BMPER: variants seen among roughly 807,000 people sequenced by gnomAD.
The protein encoded by BMPER is BMP binding endothelial regulator, also known as BMP-binding endothelial regulator protein.
Under a neutral mutation model 87.3 loss-of-function variants are expected in BMPER, and 45 were observed. The ratio of observed to expected loss-of-function variants is 0.52; its 90% CI spans 0.41 to 0.66. The LOEUF (loss-of-function observed/expected upper bound fraction) is 0.66, where lower values mean the gene tolerates loss of function less well. Ranked by LOEUF, BMPER falls within the 30% of genes least tolerant of loss-of-function variation. The probability of loss-of-function intolerance (pLI) is 0.00; values close to 1 mark genes in which losing one functional copy is unlikely to be tolerated. For synonymous variants in BMPER, 326 were observed against 316.2 expected, an observed-to-expected ratio of 1.03 and a Z score of -0.33; for missense variants, 784 against 867.5, an observed-to-expected ratio of 0.90 and a Z score of 1.21.
At chr7:34,068,518 G>A (rs570945780) in intron 11 of BMPER, among the ~76,000 whole-genome samples, 4 of 152,278 alleles carry the variant, frequency 2.6e-5, no homozygotes, top group South Asian at 2.1e-4. Context: ...TGGCATCTCC[G>A]TCTTTCTGCT....
intron 11 of BMPER, 134 bp downstream of exon 11, chr7:34,062,181 C>T (rs1788455260): frequency 5.3e-6 from 4 of 756,438 alleles, no homozygotes; most frequent in Non-Finnish European, 8.8e-6. Context: ...ATCTCACCTC[C>T]CTACAGTCAC....
chr7:34,008,390 T>G (rs2127939414), intron 6 of BMPER, among the ~76,000 whole-genome samples: 1 of 152,128 alleles, frequency 6.6e-6, no homozygotes, highest in South Asian at 2.1e-4. Flanking sequence ...TTCATCCACT[T>G]TTCTTTAACA....
At chr7:34,123,844 T>TTGTACTTAAAGGATGTA (rs1790327954) in intron 13 of BMPER, among the ~76,000 whole-genome samples, 1 of 152,202 alleles carries the variant, frequency 6.6e-6, no homozygotes, top group African/African-American at 2.4e-5. Context: ...AGATTTTTGT[T>TTGTACTTAAAGGATGTA]TGTACTTAAA....
chr7:34,112,048 A>G lies in BMPER; in HGVS notation c.1745+25956A>G, dbSNP rs915727203. ...ATGTACATGTCCATTGTTTTCTAGC[A>G]TTTATAGAAACTTTCGTATAAGTTT... On this transcript the variant is annotated intron_variant, in intron 13 of 14. Transcript: ENST00000649409. Among the ~76,000 whole-genome samples the G allele has an allele frequency of 2.6e-5, 4 of 152,318 alleles. No homozygotes were observed. In the East Asian group the frequency reaches 7.7e-4, roughly 29 times the overall value.
intron 14 of BMPER, among the ~76,000 whole-genome samples, 174 bp from the exon 15 acceptor site, chr7:34,152,918 C>T (rs747222871): frequency 9.4e-4 from 143 of 152,128 alleles, no homozygotes; most frequent in Non-Finnish European, 1.8e-3. Context: ...AGCTGATTCC[C>T]AGAGTGTTTG....
At chr7:34,007,238 G>A (rs969211173) in intron 6 of BMPER, among the ~76,000 whole-genome samples, 70 of 152,206 alleles carry the variant, frequency 4.6e-4, no homozygotes, top group African/African-American at 1.5e-3. Context: ...AGGGGATTGC[G>A]ATAGGCAATG....
chr7:33,913,307 C>T (rs1476115412), intron 2 of BMPER, among the ~76,000 whole-genome samples: 3 of 152,162 alleles, frequency 2.0e-5, no homozygotes, highest in Non-Finnish European at 4.4e-5. Flanking sequence ...GCAAGGGGAG[C>T]ATCTTGAATG....
At chr7:34,022,377 C>T (rs1056029298) in intron 6 of BMPER, among the ~76,000 whole-genome samples, 11 of 151,962 alleles carry the variant, frequency 7.2e-5, no homozygotes, top group Non-Finnish European at 1.6e-4. Context: ...GCTCAGGCAA[C>T]CTCTTTCCGC....
rs1585690154 is a variant in BMPER, at chr7:33,970,543, G to C, written c.493+124G>C. ...CATCTGTGTACCTAATGGGTTTAGA[G>C]AGCGAGCTCCTTTGCATAGAAATAT... On this transcript the variant is annotated intron_variant, in intron 5 of 14. Transcript: ENST00000649409. The C allele has an allele frequency of 5.0e-6, 5 of 995,978 alleles. No individual in the cohort carries two copies. In the East Asian group the frequency reaches 9.7e-5, roughly 19 times the overall value. 61.7% of individuals were successfully genotyped at this position (995,978 alleles called of 1,614,324 possible).
chr7:34,000,976 C>G (rs1262299882), intron 6 of BMPER, among the ~76,000 whole-genome samples: 1 of 151,914 alleles, frequency 6.6e-6, no homozygotes, highest in Non-Finnish European at 1.5e-5. Context: ...TTTATATTAA[C>G]ATGATGCTTT....
At chr7:34,039,891 G>A (rs970302527) in intron 6 of BMPER, among the ~76,000 whole-genome samples, 1 of 152,074 alleles carries the variant, frequency 6.6e-6, no homozygotes, top group African/African-American at 2.4e-5. Context: ...ATCAGTCAAG[G>A]TCTCATCAGG....
At chr7:34,127,276 A>G (rs1368430699) in intron 13 of BMPER, among the ~76,000 whole-genome samples, 1 of 152,164 alleles carries the variant, frequency 6.6e-6, no homozygotes, top group South Asian at 2.1e-4. Context: ...TAACTGTACA[A>G]TAGGAACACT....
chr7:34,102,613 T>G (rs950683621), intron 13 of BMPER, among the ~76,000 whole-genome samples: 1 of 152,152 alleles, frequency 6.6e-6, no homozygotes, highest in African/African-American at 2.4e-5. Context: ...AGACTCTTAC[T>G]TGAAGAGGGG....
chr7:34,027,260 T>A (rs1430782608), intron 6 of BMPER, among the ~76,000 whole-genome samples: 1 of 152,162 alleles, frequency 6.6e-6, no homozygotes, highest in Non-Finnish European at 1.5e-5. Flanking sequence ...AAGACACTAT[T>A]TGCCTTTTTG....
intron 6 of BMPER, among the ~76,000 whole-genome samples, chr7:34,045,612 T>C (rs1246167488): frequency 6.6e-6 from 1 of 152,220 alleles, no homozygotes; most frequent in Non-Finnish European, 1.5e-5. Context: ...TATCAATCTT[T>C]ATAATCTTAT....
intron 13 of BMPER, 111 bp from the exon 14 acceptor site, chr7:34,143,119 T>G: frequency 6.5e-7 from 1 of 1,532,876 alleles, no homozygotes; most frequent in Non-Finnish European, 8.9e-7. Context: ...AAACAGCAAA[T>G]TTTAATGGGC....
chr7:33,928,369 A>G (rs556921339), intron 2 of BMPER, among the ~76,000 whole-genome samples: 3 of 152,212 alleles, frequency 2.0e-5, no homozygotes, highest in South Asian at 2.1e-4. Context: ...AGTTACACAA[A>G]TGTGCTGTTG....
chr7:34,088,507 G>A (rs932178148), intron 13 of BMPER, among the ~76,000 whole-genome samples: 1 of 152,206 alleles, frequency 6.6e-6, no homozygotes, highest in Non-Finnish European at 1.5e-5. Context: ...CTCAGGGTTT[G>A]TAGGAGACTT....
At chr7:34,097,159 T>C (rs749858956) in intron 13 of BMPER, among the ~76,000 whole-genome samples, 2 of 152,102 alleles carry the variant, frequency 1.3e-5, no homozygotes, top group African/African-American at 2.4e-5. Flanking sequence ...ACCAAAAGCA[T>C]ATGTAGGGTT....
Sources: gnomAD v4.1 joint callset for allele counts (sites outside exome capture counted in the v4.1 genomes callset) on GRCh38, gnomAD v4.1.1 for gene constraint, MANE v1.5 for transcripts, NCBI Gene and HGNC (gene_info 2026-07-23, HGNC 2026-07-21) for gene names.